Variants in FKBP10 observed in about 807,000 individuals in gnomAD.
FKBP10 encodes the protein FKBP prolyl isomerase 10.
FKBP10 carries 34 observed loss-of-function variants against 53.7 expected under a neutral mutation model. That is an observed-to-expected ratio of 0.63 (90% CI 0.48 to 0.84). FKBP10 has a LOEUF of 0.84. FKBP10 is among the 40% of genes least tolerant of loss of function. FKBP10 has a pLI of 0.00. For missense variants in FKBP10, 748 were observed against 797.8 expected, an observed-to-expected ratio of 0.94 and a Z score of 0.75; for synonymous variants, 324 against 335.7, an observed-to-expected ratio of 0.97 and a Z score of 0.38.
intron 1 of FKBP10, among the ~76,000 whole-genome samples, chr17:41,816,107 G>A (rs976249264): frequency 2.6e-5 from 4 of 151,550 alleles, no homozygotes; most frequent in Non-Finnish European, 5.9e-5. Context: ...CTGCACTCCA[G>A]CCTGGGTGAC....
At chr17:41,817,007 A>AGT (rs138188784) in intron 1 of FKBP10, 51 bp from the exon 2 acceptor site, 1 of 1,606,832 alleles carries the variant, frequency 6.2e-7, no homozygotes, top group Admixed American at 1.7e-5. Context: ...CACCATGGGC[A>AGT]GTGTGTGTGT....
Position 41,818,194 on chromosome 17 carries a change from A to C in FKBP10, c.497A>C (p.His166Pro). 3 of 1,613,614 alleles carry C rather than the reference A, an allele frequency of 1.9e-6. No homozygotes were observed. In the South Asian group the frequency reaches 3.3e-5, roughly 18 times the overall value. ...GTGAGCACATTGCTGCGCCCGCCCC[A>C]CTGCCCCCGCATGGTCCAGGACGGC... is the stretch of plus-strand genomic sequence containing the variant. ...VQVSTLLRPP[H>P]CPRMVQDGDF... The change falls in exon 3 of 10, where the codon CAC becomes CCC. Residue 166 changes from histidine to proline, a missense_variant. Coordinates refer to ENST00000321562, the MANE Select transcript of FKBP10 (RefSeq NM_021939.4).
Position 41,819,674 on chromosome 17 carries a change from T to G in FKBP10, c.1062T>G (p.Thr354=), listed in dbSNP as rs1555616696. 1 of 1,599,486 alleles carries G rather than the reference T, an allele frequency of 6.3e-7. No individual in the cohort carries two copies. Among genetic ancestry groups the G allele is most frequent in the East Asian group, 2.3e-5 (1 of 44,352 alleles). ...ACCTCGCCTATGGGGAGAATGGAAC[T>G]GGTAGGGGCGTTCCCCAGCCACCAC... is the stretch of plus-strand genomic sequence containing the variant. The part of the protein sequence containing the change: ...PPHLAYGENG[T]GDKIPGSAVL... The change falls in exon 6 of 10, where the codon ACT becomes ACG. Residue 354 remains threonine, a splice_region_variant and synonymous_variant. Coordinates refer to ENST00000321562, the MANE Select transcript of FKBP10 (RefSeq NM_021939.4).
intron 4 of FKBP10, chr17:41,818,980 G>T (rs1195365411): frequency 6.6e-5 from 37 of 557,182 alleles, no homozygotes; most frequent in Non-Finnish European, 1.3e-5. Flanking sequence ...AAAAAGAAGG[G>T]GTGCTTTATT....
chr17:41,819,950 C>T (rs2047869219), intron 6 of FKBP10: 1 of 1,532,218 alleles, frequency 6.5e-7, no homozygotes, highest in Non-Finnish European at 8.8e-7. Context: ...AACCAGCATA[C>T]CCCCAGGACC....
chr17:41,819,589 T>A lies in FKBP10; in HGVS notation c.977T>A (p.Met326Lys). 6.2e-7 allele frequency: 1 copy of A among 1,614,076 alleles called. No homozygotes were observed. Among genetic ancestry groups the A allele is most frequent in the Non-Finnish European group, 8.5e-7 (1 of 1,179,990 alleles). ...YIGQGYIIPG[M>K]DQGLQGACMG... The stretch of plus-strand genomic sequence containing the variant: ...GGGCAGGGTTACATCATCCCCGGGA[T>A]GGACCAGGGGCTGCAGGGTGCCTGC... Residue 326 changes from methionine to lysine, a missense_variant, in exon 6 of 10, where the codon ATG becomes AAG. Transcript: ENST00000321562.
chr17:41,813,346 T>C lies in FKBP10; in HGVS notation c.245+67T>C, dbSNP rs2047773091. On this transcript the variant is annotated intron_variant, in intron 1 of 9. Transcript: ENST00000321562. ...CTGAACCCGGGGTCCTGTTTCCTTG[T>C]TGCCTCTTTTAAGCTCTGCATCCCA... 12 of 1,606,206 alleles carry C rather than the reference T, an allele frequency of 7.5e-6. No individual in the cohort carries two copies. In the South Asian group the frequency reaches 1.3e-4, roughly 18 times the overall value.
Position 41,819,568 on chromosome 17 carries a change from A to T in FKBP10, c.956A>T (p.Gln319Leu), listed in dbSNP as rs782410336. The change falls in exon 6 of 10, where the codon CAG becomes CTG. Residue 319 changes from glutamine (Q) to leucine (L), a missense_variant. Physicochemically the swap from Gln to Leu is moderately radical, Grantham distance 113. Transcript: ENST00000321562. Reference sequence around the variant, plus strand: ...CACACCTACAATACCTATATCGGGCAGGGTTACATCATCCCCGGGATGGAC... The same window carrying T: ...CACACCTACAATACCTATATCGGGCTGGGTTACATCATCCCCGGGATGGAC... ...RNHTYNTYIG[Q>L]GYIIPGMDQG... The T allele has an allele frequency of 3.1e-6, 5 of 1,614,098 alleles. No homozygotes were observed. The highest frequency in any genetic ancestry group is 4.2e-6 in the Non-Finnish European group (5 of 1,180,006).
In FKBP10 at chr17:41,818,373, T is replaced by C; in HGVS notation, c.582-9T>C. 1.2e-6 allele frequency: 2 copies of C among 1,614,188 alleles called. No homozygotes were observed. Among genetic ancestry groups the C allele is most frequent in the Non-Finnish European group, 1.7e-6 (2 of 1,180,030 alleles). On this transcript the variant is annotated splice_polypyrimidine_tract_variant and intron_variant, in intron 3 of 9. Transcript: ENST00000321562. ...CCTGCCTCTCCCACCTCCACCTCAT[T>C]TTCTGCAGCTACAGTAAGGGCGGCA...
intron 1 of FKBP10, among the ~76,000 whole-genome samples, chr17:41,816,424 G>T (rs1451358895): frequency 6.6e-6 from 1 of 151,678 alleles, no homozygotes; most frequent in Admixed American, 6.6e-5. Flanking sequence ...TAAAGACGGG[G>T]TTTCACTGTG....
chr17:41,822,055 A>G (rs1284166675), intron 9 of FKBP10, among the ~76,000 whole-genome samples, 168 bp from the exon 10 acceptor site: 2 of 151,856 alleles, frequency 1.3e-5, no homozygotes, highest in Non-Finnish European at 2.9e-5. Context: ...AGCCCCCACC[A>G]GGACCCCAGC....
Position 41,817,158 on chromosome 17 carries a change from C to T in FKBP10, c.346C>T (p.Arg116Cys), listed in dbSNP as rs571063599. ...LMGMCVNERR[R>C]LIVPPHLGYG... ...GGGCATGTGTGTCAACGAGCGGCGA[C>T]GCCTCATTGTGCCTCCCCACCTGGG... Residue 116 changes from arginine (R) to cysteine (C), a missense_variant, in exon 2 of 10, where the codon CGC becomes TGC. Arg to Cys is a radical substitution (Grantham distance 180, BLOSUM62 -3). Transcript: ENST00000321562. The T allele has an allele frequency of 2.5e-6, 4 of 1,613,998 alleles. No homozygotes were observed. Among genetic ancestry groups the T allele is most frequent in the Admixed American group, 1.7e-5 (1 of 60,020 alleles).
Position 41,821,028 on chromosome 17 carries a change from GT to G in FKBP10, c.1339del (p.Cys447ValfsTer84), listed in dbSNP as rs781815331. The G allele has an allele frequency of 6.3e-7, 1 of 1,599,386 alleles. No homozygotes were observed. Among genetic ancestry groups the G allele is most frequent in the South Asian group, 1.1e-5 (1 of 88,790 alleles). On this transcript the variant is annotated frameshift_variant, in exon 8 of 10. Coordinates refer to ENST00000321562, the MANE Select transcript of FKBP10 (RefSeq NM_021939.4). LOFTEE classifies it high-confidence loss of function. ...EGLDTGLQGMCVGERRQLIVP... is the reference protein window; with the variant it reads ...EGLDTGLQGMXVGERRQLIVP... ...GCCTGGACACGGGCCTGCAGGGCAT[GT>G]GTGTGGGAGAGAGGCGGCAGCTCAT...
intron 2 of FKBP10, among the ~76,000 whole-genome samples, chr17:41,817,690 G>A (rs1487432600): frequency 6.6e-6 from 1 of 150,496 alleles, no homozygotes; most frequent in Non-Finnish European, 1.5e-5. Flanking sequence ...GTTTAGTGGT[G>A]CGATCTCGGC....
Position 41,820,303 on chromosome 17 carries a change from C to T in FKBP10, c.1098C>T (p.Phe366=), listed in dbSNP as rs886052923. The change falls in exon 7 of 10, where the codon TTC becomes TTT. Residue 366 remains phenylalanine, a synonymous_variant. Transcript: ENST00000321562. ...TCCCTGGCTCTGCCGTGCTAATCTT[C>T]AACGTCCATGTCATTGACTTCCACA... ...DKIPGSAVLI[F]NVHVIDFHNP... is the part of the protein sequence containing the mutation. 3.1e-6 allele frequency: 5 copies of T among 1,614,112 alleles called. No homozygotes were observed. Among genetic ancestry groups the T allele is most frequent in the Non-Finnish European group, 1.7e-6 (2 of 1,180,052 alleles).
rs2047910904 is a variant in FKBP10 at position 41,823,014 on chromosome 17, GGCTC to G, written c.*607_*610del. On this transcript the variant is annotated 3_prime_UTR_variant, in exon 10 of 10. Coordinates refer to ENST00000321562, the MANE Select transcript of FKBP10 (RefSeq NM_021939.4). ...TAGTTAGCTTTTCATCCCTAAAGAA[GGCTC>G]CTTTCCCTAAGGAACCATAGAAGAG... 1.2e-4 allele frequency: 9 copies of G among 72,724 alleles called. No individual in the cohort carries two copies. In the Admixed American group the frequency reaches 1.3e-3, roughly 11 times the overall value. 4.5% of individuals were successfully genotyped at this position (72,724 alleles called of 1,614,324 possible). A position where few individuals can be genotyped will look rare whatever the true frequency, so the allele number is the denominator to read the frequency against.
At chr17:41,816,618 T>C (rs919207083) in intron 1 of FKBP10, among the ~76,000 whole-genome samples, 4 of 152,024 alleles carry the variant, frequency 2.6e-5, no homozygotes, top group African/African-American at 7.2e-5. Flanking sequence ...TTGCTCTCAT[T>C]AAGAAAAATG....
chr17:41,813,203 C>T lies in FKBP10; in HGVS notation c.169C>T (p.Arg57Trp), dbSNP rs2047770786. ...GTACCACATCCCCAGGGCCTGTCCC[C>T]GGGAAGTGCAGATGGGGGATTTTGT... ...ERYHIPRACP[R>W]EVQMGDFVRY... is the part of the protein sequence containing the mutation. The change falls in exon 1 of 10, where the codon CGG (arginine) becomes TGG (tryptophan). Residue 57 changes from arginine (R) to tryptophan (W), a missense_variant. Physicochemically the swap from Arg to Trp is moderately radical, Grantham distance 101. Coordinates refer to ENST00000321562, the MANE Select transcript of FKBP10 (RefSeq NM_021939.4). 1.2e-6 allele frequency: 2 copies of T among 1,613,354 alleles called. No individual in the cohort carries two copies. The highest frequency in any genetic ancestry group is 1.3e-5 in the African/African-American group (1 of 74,936).
chr17:41,823,035 A>G lies in FKBP10; in HGVS notation c.*627A>G, dbSNP rs934251528. ...AGAAGGCTCCTTTCCCTAAGGAACC[A>G]TAGAAGAGAGGAAGAAAACAAAGGG... On this transcript the variant is annotated 3_prime_UTR_variant, in exon 10 of 10. Coordinates refer to ENST00000321562, the MANE Select transcript of FKBP10 (RefSeq NM_021939.4). 8 of 158,092 alleles carry G rather than the reference A, an allele frequency of 5.1e-5. No individual in the cohort carries two copies. The highest frequency in any genetic ancestry group is 4.7e-4 in the Admixed American group (8 of 17,054). The allele number at this position is 158,092 out of a possible 1,614,324, so 9.8% of individuals were successfully genotyped here.
Sources: allele counts gnomAD v4.1 joint callset (sites outside exome capture counted in the v4.1 genomes callset), GRCh38; gene constraint gnomAD v4.1.1; transcripts MANE v1.5; gene names NCBI Gene and HGNC (gene_info 2026-07-23, HGNC 2026-07-21).